ARID1B: variants seen among roughly 807,000 people sequenced by gnomAD.
ARID1B encodes AT-rich interactive domain-containing protein 1B.
ARID1B carries 30 observed loss-of-function variants against 212.3 expected under a neutral mutation model. The observed-to-expected ratio is 0.14, with a 90% CI of 0.11 to 0.19. ARID1B has a LOEUF of 0.19. Ranked by LOEUF, ARID1B falls within the 10% of genes least tolerant of loss-of-function variation. The probability of loss-of-function intolerance (pLI) is 1.00; values close to 1 mark genes in which losing one functional copy is unlikely to be tolerated. For missense variants in ARID1B, 2,891 were observed against 3,204.0 expected (o/e 0.90, Z 2.36); for synonymous variants, 1,402 against 1,301.7 (o/e 1.08, Z -1.66).
At chr6:157,119,690 T>C (rs1184514643) in intron 6 of ARID1B, 1 of 152,376 alleles carries the variant, frequency 6.6e-6, no homozygotes, top group Non-Finnish European at 1.5e-5. Flanking sequence ...GCTGCCCCTA[T>C]GGGCCAGGCA....
chr6:156,932,273 AT>A (rs1169821853), intron 3 of ARID1B, among the ~76,000 whole-genome samples: 1 of 152,146 alleles, frequency 6.6e-6, no homozygotes, highest in Non-Finnish European at 1.5e-5. Context: ...GACTCGTAAC[AT>A]AAAGAAGGTT....
intron 2 of ARID1B, among the ~76,000 whole-genome samples, chr6:156,884,060 C>T (rs1042405229): frequency 6.6e-6 from 1 of 152,098 alleles, no homozygotes; most frequent in Non-Finnish European, 1.5e-5. Context: ...CTGATTATGA[C>T]TCATTAATGG....
intron 2 of ARID1B, among the ~76,000 whole-genome samples, chr6:156,846,978 A>G (rs1346620290): frequency 6.6e-6 from 1 of 151,990 alleles, no homozygotes; most frequent in African/African-American, 2.4e-5. Context: ...TCTCCTTCCA[A>G]AATTTTTTTG....
At chr6:156,852,074 G>A (rs867017418) in intron 2 of ARID1B, among the ~76,000 whole-genome samples, 12 of 152,070 alleles carry the variant, frequency 7.9e-5, no homozygotes, top group Middle Eastern at 3.4e-3. Context: ...TAGGGACTTC[G>A]AATCAGAATA....
intron 3 of ARID1B, chr6:156,901,943 G>T: frequency 5.4e-6 from 1 of 184,600 alleles, no homozygotes; most frequent in Non-Finnish European, 1.1e-5. Flanking sequence ...TGTTTTAATG[G>T]TAAGTGCTAC....
chr6:156,902,068 T>C (rs1206854899), intron 3 of ARID1B: 1 of 154,456 alleles, frequency 6.5e-6, no homozygotes, highest in Non-Finnish European at 1.4e-5. Flanking sequence ...GTACTTTAAA[T>C]ATATCAAGCA....
intron 2 of ARID1B, among the ~76,000 whole-genome samples, chr6:156,863,107 G>A (rs751888045): frequency 3.9e-5 from 6 of 152,164 alleles, no homozygotes; most frequent in Non-Finnish European, 5.9e-5. Flanking sequence ...TTCTAAGAAT[G>A]CCTGAAATTA....
At chr6:156,912,702 A>G (rs190575371) in intron 3 of ARID1B, among the ~76,000 whole-genome samples, 34 of 152,318 alleles carry the variant, frequency 2.2e-4, no homozygotes, top group Admixed American at 1.1e-3. Context: ...CTGTGTCTGC[A>G]TATCATGTCT....
intron 4 of ARID1B, among the ~76,000 whole-genome samples, chr6:156,998,158 G>A (rs947677767): frequency 4.6e-5 from 7 of 151,662 alleles, no homozygotes; most frequent in South Asian, 2.1e-4. Context: ...AGTAGAGTGT[G>A]CCTAGATCTA....
intron 4 of ARID1B, chr6:157,022,163 G>T (rs1780348572): frequency 6.6e-6 from 1 of 152,094 alleles, no homozygotes; most frequent in Non-Finnish European, 1.5e-5. Context: ...GCCGCGGAAG[G>T]GGGCGAGGTG....
chr6:157,158,560 A>T (rs1194507900), intron 8 of ARID1B, among the ~76,000 whole-genome samples: 1 of 152,228 alleles, frequency 6.6e-6, no homozygotes, highest in African/African-American at 2.4e-5. Context: ...AGGTTCGTCC[A>T]TCAGGGATTG....
rs775436632 is a variant in ARID1B at position 156,778,337 on chromosome 6, C to A, written c.657C>A (p.Asn219Lys). 1 of 1,542,870 alleles carries A rather than the reference C, an allele frequency of 6.5e-7. No homozygotes were observed. The highest frequency in any genetic ancestry group is 2.5e-5 in the East Asian group (1 of 40,774). ...QQQQQQHPIS[N>K]NNSLGGAGGG... ...AGCAACAGCAACATCCCATTTCCAA[C>A]AACAACAGCTTGGGCGGCGCGGGCG... The change falls in exon 1 of 20, where the codon AAC becomes AAA. Residue 219 changes from asparagine to lysine, a missense_variant. Physicochemically the swap from Asn to Lys is moderately conservative, Grantham distance 94. Coordinates refer to ENST00000636930, the MANE Select transcript of ARID1B (RefSeq NM_001374828.1).
rs1483114026 is a variant in ARID1B, at chr6:156,922,801, T to A, written c.2137-12665T>A. 2.0e-5 allele frequency among the ~76,000 whole-genome samples: 3 copies of A among 152,174 alleles called. No homozygotes were observed. In the South Asian group the frequency reaches 6.2e-4, roughly 32 times the overall value. ...CATGCATCACAGAGTTGCTGTATTC[T>A]CAGGGGAGTGTTCAAAGACCTTCTA... On this transcript the variant is annotated intron_variant, in intron 3 of 19. Transcript: ENST00000636930.
intron 8 of ARID1B, chr6:157,166,252 C>G (rs1239053526): frequency 1.3e-5 from 2 of 152,184 alleles, no homozygotes; most frequent in Non-Finnish European, 2.9e-5. Context: ...TGCTTCAAAT[C>G]AGAGAATACT....
intron 1 of ARID1B, chr6:156,780,421 T>G (rs533036800): frequency 3.9e-5 from 6 of 152,250 alleles, no homozygotes; most frequent in African/African-American, 1.2e-4. Context: ...ACTCTTGCTG[T>G]TTCTTGCTAG....
chr6:156,854,506 C>T (rs568959556), intron 2 of ARID1B, among the ~76,000 whole-genome samples: 1 of 152,320 alleles, frequency 6.6e-6, no homozygotes, highest in South Asian at 2.1e-4. Context: ...CCTCCAGGCT[C>T]TGGGATGTTA....
At chr6:156,859,381 C>T (rs1785169163) in intron 2 of ARID1B, among the ~76,000 whole-genome samples, 1 of 152,172 alleles carries the variant, frequency 6.6e-6, no homozygotes, top group Non-Finnish European at 1.5e-5. Flanking sequence ...TCTGTCATCC[C>T]TTACACTACT....
intron 4 of ARID1B, among the ~76,000 whole-genome samples, chr6:157,013,647 C>T (rs1226404772): frequency 6.6e-6 from 1 of 152,124 alleles, no homozygotes; most frequent in Non-Finnish European, 1.5e-5. Context: ...CATTAAACAC[C>T]ACAGGAAGAT....
rs188766160 is a variant in ARID1B at position 156,785,097 on chromosome 6, T to G, written c.1791+5626T>G. 2.0e-4 allele frequency among the ~76,000 whole-genome samples: 30 copies of G among 152,324 alleles called. 1 individual carries two copies. Among genetic ancestry groups the G allele is most frequent in the Non-Finnish European group, 1.5e-5 (1 of 68,030 alleles). ...TTAAATAGGATCCAGTAGGCAGTTT[T>G]CAAACCCACATCTGTATGGATCAAT... On this transcript the variant is annotated intron_variant, in intron 1 of 19. Transcript: ENST00000636930.
Sources: gnomAD v4.1 joint callset for allele counts (sites outside exome capture counted in the v4.1 genomes callset) on GRCh38, gnomAD v4.1.1 for gene constraint, MANE v1.5 for transcripts, NCBI Gene and HGNC (gene_info 2026-07-23, HGNC 2026-07-21) for gene names.